Variants in ERBIN observed in about 807,000 individuals in gnomAD.
The protein encoded by ERBIN is densin-180-like protein.
Under a neutral mutation model 158.4 loss-of-function variants are expected in ERBIN, and 60 were observed. The ratio of observed to expected loss-of-function variants is 0.38; its 90% confidence interval spans 0.31 to 0.47. ERBIN has a LOEUF of 0.47. Ranked by LOEUF, ERBIN falls within the 20% of genes least tolerant of loss-of-function variation. The pLI is 0.99. For synonymous variants in ERBIN, 594 were observed against 557.2 expected, an observed-to-expected ratio of 1.07 and a Z score of -0.93; for missense variants, 1,610 against 1,648.0, an observed-to-expected ratio of 0.98 and a Z score of 0.40.
chr5:66,061,875 ACT>A (rs1363581782), intron 21 of ERBIN, among the ~76,000 whole-genome samples: 1 of 151,996 alleles, frequency 6.6e-6, no homozygotes, highest in Non-Finnish European at 1.5e-5. Flanking sequence ...ATTGGCCCCC[ACT>A]CTCTTCTGGC....
At chr5:66,075,359 G>A (rs998632655) in intron 23 of ERBIN, 129 bp downstream of exon 23, 9 of 786,210 alleles carry the variant, frequency 1.1e-5, no homozygotes, top group East Asian at 1.1e-4. Flanking sequence ...TTATTTTTAT[G>A]TTACGTTTAT....
At chr5:65,953,057 G>T (rs754683241) in intron 1 of ERBIN, among the ~76,000 whole-genome samples, 2 of 152,202 alleles carry the variant, frequency 1.3e-5, no homozygotes, top group Admixed American at 6.5e-5. Flanking sequence ...GGAGTTTCTT[G>T]TATCAGACTG....
chr5:65,990,610 A>T (rs1751766163), intron 2 of ERBIN, among the ~76,000 whole-genome samples: 1 of 151,450 alleles, frequency 6.6e-6, no homozygotes, highest in Non-Finnish European at 1.5e-5. Context: ...GTGAGCTGAG[A>T]TCGTGCCACT....
At position 66,054,167 on chromosome 5, in the gene ERBIN, A is replaced by G. The variant is rs1320742026; in HGVS notation, c.2849A>G (p.His950Arg). 2 of 1,614,180 alleles carry G rather than the reference A, an allele frequency of 1.2e-6. No individual in the cohort carries two copies. The highest frequency in any genetic ancestry group is 1.7e-6 in the Non-Finnish European group (2 of 1,180,030). ...GCAATTTTCAAGTTTGATTCAAATC[A>G]TAATCCCGAAGAGCCAAATATAATA... ...TKAIFKFDSNHNPEEPNIIRG... is the reference protein window; with the variant it reads ...TKAIFKFDSNRNPEEPNIIRG... Residue 950 changes from histidine (H) to arginine (R), a missense_variant, in exon 21 of 26, where the codon CAT becomes CGT. His to Arg is a conservative substitution (Grantham distance 29). This residue lies in a region of ERBIN where 1,014 missense variants were observed against 936.1 expected (regional missense o/e 1.08). Coordinates refer to ENST00000284037, the MANE Select transcript of ERBIN (RefSeq NM_001253697.2).
At chr5:66,052,218 C>T (rs1284036951) in intron 20 of ERBIN, among the ~76,000 whole-genome samples, 7 of 149,878 alleles carry the variant, frequency 4.7e-5, no homozygotes, top group East Asian at 2.0e-4. Flanking sequence ...AAAAAAAGAT[C>T]GGGGTTACTA....
rs1744741020 is a variant in ERBIN at position 65,940,416 on chromosome 5, G to A, written c.-58+13610G>A. Among the ~76,000 whole-genome samples the A allele has an allele frequency of 2.1e-5, 3 of 141,316 alleles. No homozygotes were observed. The South Asian group carries it at 6.6e-4, about 31-fold the overall frequency. The allele number at this position is 141,316 out of a possible 152,430, so 92.7% of individuals were successfully genotyped here. A position where few individuals can be genotyped will look rare whatever the true frequency, so the allele number is the denominator to read the frequency against. On this transcript the variant is annotated intron_variant, in intron 1 of 25. Transcript: ENST00000284037. ...CAGCCACCTCGTCCGGGAGGGAGGT[G>A]GGGGGGTCAGCCCCCCGCCCGGCCA... is the stretch of plus-strand genomic sequence containing the variant.
chr5:66,046,217 TC>T, intron 17 of ERBIN, 135 bp from the exon 18 acceptor site: 1 of 459,256 alleles, frequency 2.2e-6, no homozygotes, highest in Non-Finnish European at 3.7e-6. Flanking sequence ...GTCACAGGTT[TC>T]TATGTTTAAA....
chr5:66,015,272 G>T (rs1190129198), intron 7 of ERBIN, among the ~76,000 whole-genome samples: 1 of 152,148 alleles, frequency 6.6e-6, no homozygotes. Flanking sequence ...GTAGTCTGTG[G>T]CCTTTTATTG....
intron 17 of ERBIN, 102 bp downstream of exon 17, chr5:66,044,412 A>C (rs762621369): frequency 4.2e-5 from 44 of 1,047,776 alleles, no homozygotes; most frequent in Non-Finnish European, 6.0e-5. Flanking sequence ...ATGTGCAGTC[A>C]TGCACCACAG....
In ERBIN at chr5:66,061,426, C is replaced by G. The variant is rs191781599; in HGVS notation, c.3633+6475C>G. Among the ~76,000 whole-genome samples, 426 of 152,180 alleles carry G rather than the reference C, an allele frequency of 2.8e-3. 1 individual carries two copies. The highest frequency in any genetic ancestry group is 0.01 in the Middle Eastern group (3 of 294). On this transcript the variant is annotated intron_variant, in intron 21 of 25. Coordinates refer to ENST00000284037, the MANE Select transcript of ERBIN (RefSeq NM_001253697.2). ...TCTTCCTCCATCCGTTTGTTTTGAG[C>G]CTATGTGTGTCCTTGCATGTGAGAT...
chr5:66,038,517 C>G (rs1236928906), intron 15 of ERBIN, 35 bp downstream of exon 15: 1 of 1,471,228 alleles, frequency 6.8e-7, no homozygotes, highest in African/African-American at 1.4e-5. Flanking sequence ...TTGTTAAAAA[C>G]AAATACTAAT....
At chr5:66,034,606 CTT>C (rs79537769) in intron 14 of ERBIN, among the ~76,000 whole-genome samples, 13 of 142,012 alleles carry the variant, frequency 9.2e-5, no homozygotes, top group Non-Finnish European at 7.8e-5. Context: ...TTCTTGAATC[CTT>C]TTTTTTTTTT....
chr5:66,010,100 T>C (rs1754046154), intron 4 of ERBIN, among the ~76,000 whole-genome samples: 1 of 152,208 alleles, frequency 6.6e-6, no homozygotes, highest in Admixed American at 6.5e-5. Context: ...ACTTGTTACT[T>C]TCGCGTATTG....
intron 1 of ERBIN, among the ~76,000 whole-genome samples, chr5:65,966,709 A>G (rs1268102239): frequency 2.1e-4 from 26 of 124,076 alleles, no homozygotes; most frequent in Non-Finnish European, 4.0e-4. Context: ...AAAAAAAAAA[A>G]GGTAACTGTA....
chr5:65,951,313 G>A (rs1354872199), intron 1 of ERBIN, among the ~76,000 whole-genome samples: 3 of 152,122 alleles, frequency 2.0e-5, no homozygotes, highest in African/African-American at 7.2e-5. Context: ...AGTTTCATGA[G>A]GGCAGGAATT....
intron 10 of ERBIN, 79 bp from the exon 11 acceptor site, chr5:66,025,401 A>T: frequency 1.0e-6 from 1 of 995,454 alleles, no homozygotes; most frequent in Non-Finnish European, 1.6e-6. Context: ...TGTCAGATGT[A>T]GTATGTCTCA....
intron 1 of ERBIN, among the ~76,000 whole-genome samples, chr5:65,966,396 G>A (rs991396069): frequency 6.6e-6 from 1 of 151,952 alleles, no homozygotes; most frequent in African/African-American, 2.4e-5. Flanking sequence ...ATATAAAAAG[G>A]TAGGCCGGGC....
At chr5:65,942,118 TACTC>T (rs780839279) in intron 1 of ERBIN, among the ~76,000 whole-genome samples, 29 of 152,382 alleles carry the variant, frequency 1.9e-4, no homozygotes, top group Middle Eastern at 3.4e-3. Flanking sequence ...GTTTTCCTCA[TACTC>T]ACTCACTATC....
chr5:65,983,362 T>G (rs1468592903), intron 1 of ERBIN, among the ~76,000 whole-genome samples: 2 of 152,196 alleles, frequency 1.3e-5, no homozygotes, highest in African/African-American at 2.4e-5. Context: ...GTTGTCCTTA[T>G]AAATGCTCTT....
Sources: allele counts gnomAD v4.1 joint callset (sites outside exome capture counted in the v4.1 genomes callset), GRCh38; gene constraint gnomAD v4.1.1; regional missense constraint gnomAD v4.1.1; transcripts MANE v1.5; gene names NCBI Gene and HGNC (gene_info 2026-07-23, HGNC 2026-07-21).